TRAPPC10: variants seen among roughly 807,000 people sequenced by gnomAD.
TRAPPC10 encodes the protein trafficking protein particle complex subunit 10.
A neutral mutation model predicts 125.5 loss-of-function variants in TRAPPC10; 23 were observed. The observed-to-expected ratio is 0.18, with a 90% CI of 0.13 to 0.26. The LOEUF is 0.26. Ranked by LOEUF, TRAPPC10 falls within the 10% of genes least tolerant of loss-of-function variation. The pLI, the probability that TRAPPC10 is intolerant of heterozygous loss-of-function variation, is 1.00. For missense variants in TRAPPC10, 1,123 were observed against 1,308.4 expected, an observed-to-expected ratio of 0.86 and a Z score of 2.19; for synonymous variants, 509 against 518.0, an observed-to-expected ratio of 0.98 and a Z score of 0.24.
intron 7 of TRAPPC10, among the ~76,000 whole-genome samples, chr21:44,068,576 G>A (rs913055741): frequency 6.6e-6 from 1 of 152,104 alleles, no homozygotes; most frequent in Non-Finnish European, 1.5e-5. Context: ...GGGAAAAGAC[G>A]GAGTTCCAAA....
At chr21:44,019,810 G>A (rs2032295575) in intron 1 of TRAPPC10, among the ~76,000 whole-genome samples, 2 of 152,216 alleles carry the variant, frequency 1.3e-5, no homozygotes, top group Non-Finnish European at 2.9e-5. Context: ...CGCAGTGGCC[G>A]GCATTCATCA....
intron 1 of TRAPPC10, among the ~76,000 whole-genome samples, chr21:44,028,845 A>G (rs2033311011): frequency 6.6e-6 from 1 of 152,126 alleles, no homozygotes; most frequent in Non-Finnish European, 1.5e-5. Context: ...GAACCACCCT[A>G]TTAACAAGCG....
intron 3 of TRAPPC10, among the ~76,000 whole-genome samples, chr21:44,039,417 T>A (rs1259575885): frequency 6.6e-6 from 1 of 152,186 alleles, no homozygotes; most frequent in Admixed American, 6.5e-5. Flanking sequence ...CATACCAAGA[T>A]GTTTTAGGTT....
At chr21:44,086,668 A>AC in intron 15 of TRAPPC10, 134 bp from the exon 16 acceptor site, 1 of 946,344 alleles carries the variant, frequency 1.1e-6, no homozygotes, top group East Asian at 2.5e-5. Flanking sequence ...TGGAAGTAGA[A>AC]GGAATTCATG....
In TRAPPC10 at chr21:44,086,974, C is replaced by T. The variant is rs771001931; in HGVS notation, c.2539+14C>T. 4 of 1,613,120 alleles carry T rather than the reference C, an allele frequency of 2.5e-6. No individual in the cohort carries two copies. In the South Asian group the frequency reaches 4.4e-5, roughly 18 times the overall value. On this transcript the variant is annotated intron_variant, in intron 16 of 22. Coordinates refer to ENST00000291574, the MANE Select transcript of TRAPPC10 (RefSeq NM_003274.5). The stretch of plus-strand genomic sequence containing the variant: ...CCAACACGAGAGGTGAGGTGCCGCC[C>T]ACCCAGGCCCAAGGAGGATGCCCAC...
intron 3 of TRAPPC10, among the ~76,000 whole-genome samples, chr21:44,050,045 A>G (rs971043033): frequency 2.0e-5 from 3 of 151,222 alleles, no homozygotes; most frequent in African/African-American, 7.3e-5. Flanking sequence ...ACGCATGGCT[A>G]TTTTTCTATT....
At chr21:44,017,017 C>T (rs1320852813) in intron 1 of TRAPPC10, among the ~76,000 whole-genome samples, 6 of 152,128 alleles carry the variant, frequency 3.9e-5, no homozygotes, top group South Asian at 2.1e-4. Flanking sequence ...GTGGTGCTTG[C>T]GATTTAACCA....
intron 3 of TRAPPC10, among the ~76,000 whole-genome samples, chr21:44,044,453 ATAATTCTTCCTTCAAG>A (rs2034635139): frequency 6.6e-6 from 1 of 152,102 alleles, no homozygotes; most frequent in African/African-American, 2.4e-5. Flanking sequence ...CTGTAACAGC[ATAATTCTTCCTTCAAG>A]TAATATGAAT....
chr21:44,015,492 A>G (rs1444223891), intron 1 of TRAPPC10, among the ~76,000 whole-genome samples: 1 of 152,098 alleles, frequency 6.6e-6, no homozygotes, highest in Non-Finnish European at 1.5e-5. Flanking sequence ...GTCATAGCCG[A>G]CTGCAGCCTT....
intron 3 of TRAPPC10, among the ~76,000 whole-genome samples, chr21:44,041,741 T>A (rs1401740204): frequency 2.0e-5 from 3 of 152,130 alleles, no homozygotes; most frequent in African/African-American, 7.2e-5. Context: ...TATTATTATT[T>A]TTTGAGACGG....
At chr21:44,060,665 A>T (rs2035966277) in intron 6 of TRAPPC10, among the ~76,000 whole-genome samples, 1 of 151,948 alleles carries the variant, frequency 6.6e-6, no homozygotes, top group African/African-American at 2.4e-5. Flanking sequence ...CAGTGGTGTG[A>T]TCTTGGCCCA....
chr21:44,018,677 G>A (rs971181745), intron 1 of TRAPPC10, among the ~76,000 whole-genome samples: 3 of 149,846 alleles, frequency 2.0e-5, no homozygotes, highest in Non-Finnish European at 3.0e-5. Context: ...CCAGCCTGGC[G>A]TGAGACTCCG....
chr21:44,056,563 T>A (rs1470888932), intron 5 of TRAPPC10, among the ~76,000 whole-genome samples: 4 of 152,212 alleles, frequency 2.6e-5, no homozygotes, highest in Admixed American at 6.5e-5. Flanking sequence ...CTTGGTAAGA[T>A]GTTCTGAGAA....
intron 15 of TRAPPC10, among the ~76,000 whole-genome samples, chr21:44,086,144 C>G (rs2038113550): frequency 6.6e-6 from 1 of 152,242 alleles, no homozygotes; most frequent in African/African-American, 2.4e-5. Context: ...CCTGCCCTCC[C>G]CATGGCCCAG....
chr21:44,062,645 T>C, intron 6 of TRAPPC10: 5 of 984,542 alleles, frequency 5.1e-6, no homozygotes, highest in Non-Finnish European at 6.0e-6. Context: ...AGGATGCTGG[T>C]GCAGGGGCTG....
At chr21:44,027,370 G>T (rs2033169821) in intron 1 of TRAPPC10, among the ~76,000 whole-genome samples, 1 of 152,218 alleles carries the variant, frequency 6.6e-6, no homozygotes, top group African/African-American at 2.4e-5. Flanking sequence ...GCACGTTCAA[G>T]AATTGGTTCA....
At chr21:44,079,368 C>G (rs1309820314) in intron 11 of TRAPPC10, 196 bp from the exon 12 acceptor site, 5 of 539,514 alleles carry the variant, frequency 9.3e-6, no homozygotes, top group Non-Finnish European at 1.6e-5. Context: ...AGATCTTTGC[C>G]TGGGAGTCTA....
chr21:44,018,151 T>C (rs1179940676), intron 1 of TRAPPC10, among the ~76,000 whole-genome samples: 19 of 152,328 alleles, frequency 1.2e-4, no homozygotes, highest in Non-Finnish European at 2.9e-5. Flanking sequence ...TTCTTTTTTT[T>C]TTTCTTTTTT....
At chr21:44,084,346 AGTTTT>A in intron 15 of TRAPPC10, 83 bp downstream of exon 15, 1 of 1,411,198 alleles carries the variant, frequency 7.1e-7, no homozygotes, top group Non-Finnish European at 9.5e-7. Context: ...GCTTCTCATA[AGTTTT>A]AGCTGTGTCT....
Sources: gnomAD v4.1 joint callset for allele counts (sites outside exome capture counted in the v4.1 genomes callset) on GRCh38, gnomAD v4.1.1 for gene constraint, MANE v1.5 for transcripts, NCBI Gene and HGNC (gene_info 2026-07-23, HGNC 2026-07-21) for gene names.